AP3M1: variants seen among roughly 807,000 people sequenced by gnomAD.
AP3M1 encodes AP-3 complex subunit mu-1.
A neutral mutation model predicts 42.6 loss-of-function variants in AP3M1; 29 were observed. That is an observed-to-expected ratio of 0.68 (90% CI 0.51 to 0.93). The LOEUF is 0.93. AP3M1 is among the 40% of genes least tolerant of loss of function. The probability of loss-of-function intolerance (pLI) is 0.00; values close to 1 mark genes in which losing one functional copy is unlikely to be tolerated. For synonymous variants in AP3M1, 178 were observed against 175.3 expected (o/e 1.02, Z -0.12); for missense variants, 416 against 510.2 (o/e 0.82, Z 1.78).
intron 6 of AP3M1, chr10:74,128,824 C>A: frequency 3.5e-6 from 1 of 283,952 alleles, no homozygotes; most frequent in Non-Finnish European, 6.7e-6. Context: ...CATAACCTTG[C>A]AAAGGACCGG....
At chr10:74,144,307 C>G (rs1841262929) in intron 1 of AP3M1, among the ~76,000 whole-genome samples, 1 of 151,774 alleles carries the variant, frequency 6.6e-6, no homozygotes, top group Non-Finnish European at 1.5e-5. Context: ...CTCTGTTGCC[C>G]AGGCTGGAGT....
At chr10:74,144,076 C>T (rs1327667640) in intron 1 of AP3M1, among the ~76,000 whole-genome samples, 1 of 152,178 alleles carries the variant, frequency 6.6e-6, no homozygotes, top group Non-Finnish European at 1.5e-5. Flanking sequence ...ATTCTCCTGC[C>T]TCAGCCTCCC....
chr10:74,133,066 A>G lies in AP3M1; in HGVS notation c.583+961T>C, dbSNP rs145653571. Among the ~76,000 whole-genome samples, 253 of 152,232 alleles carry G rather than the reference A, an allele frequency of 1.7e-3. 9 individuals carry two copies. In the East Asian group the frequency reaches 0.041, roughly 25 times the overall value. On this transcript the variant is annotated intron_variant, in intron 4 of 8. Coordinates refer to ENST00000355264, the MANE Select transcript of AP3M1 (RefSeq NM_012095.6). ...TTAGGAGCTTGAGACCAGCCTGGCC[A>G]ACATTGTGAAACCCCGTCTCTACTA...
chr10:74,144,151 TG>T (rs1841251973), intron 1 of AP3M1, among the ~76,000 whole-genome samples: 1 of 152,054 alleles, frequency 6.6e-6, no homozygotes, highest in Admixed American at 6.6e-5. Context: ...TTAGTAGAGA[TG>T]GGGTTTCACC....
chr10:74,134,058 A>C lies in AP3M1; in HGVS notation c.552T>G (p.Val184=). ...TATCTATAATTGCGTCTATTTCTTC[A>C]ACAACATCAAAATAGGCTTCATTGT... ...YTNNEAYFDV[V]EEIDAIIDKS... is the part of the protein sequence containing the mutation. Residue 184 remains valine (V), a synonymous_variant, in exon 4 of 9, where the codon GTT becomes GTG. Transcript: ENST00000355264. 2 of 1,614,162 alleles carry C rather than the reference A, an allele frequency of 1.2e-6. No homozygotes were observed. The highest frequency in any genetic ancestry group is 4.5e-5 in the East Asian group (2 of 44,886).
intron 7 of AP3M1, among the ~76,000 whole-genome samples, chr10:74,124,872 G>A (rs543594571): frequency 5.3e-5 from 8 of 152,308 alleles, no homozygotes; most frequent in Non-Finnish European, 7.3e-5. Context: ...CAAATGACTC[G>A]CTCAAGGTCA....
At position 74,136,784 on chromosome 10, in the gene AP3M1, G is replaced by C. The variant is rs1369486216; in HGVS notation, c.293C>G (p.Ser98Ter). 2.6e-6 allele frequency: 4 copies of C among 1,530,022 alleles called. No individual in the cohort carries two copies. The highest frequency in any genetic ancestry group is 3.6e-6 in the Non-Finnish European group (4 of 1,122,388). 94.8% of individuals were successfully genotyped at this position (1,530,022 alleles called of 1,614,324 possible). Residue 98 changes from serine to a stop codon, truncating the protein, a stop_gained, in exon 3 of 9, where the codon TCA (serine) becomes TGA (stop). Coordinates refer to ENST00000355264, the MANE Select transcript of AP3M1 (RefSeq NM_012095.6). LOFTEE classifies it high-confidence loss of function. ...DTFQDYFGEC[S>*]EAAIKDNVVI... ...CACATTATCCTTAATTGCAGCCTCT[G>C]AACACTCACCAAAGTAGTCCTGACA...
At chr10:74,143,011 G>GAACACATGTGTTTGCAA (rs1169930718) in intron 1 of AP3M1, among the ~76,000 whole-genome samples, 1 of 152,188 alleles carries the variant, frequency 6.6e-6, no homozygotes, top group Non-Finnish European at 1.5e-5. Flanking sequence ...GTCACATATG[G>GAACACATGTGTTTGCAA]AACACAGCAT....
In AP3M1 at chr10:74,122,686, T is replaced by C. The variant is rs1840502697; in HGVS notation, c.*1124A>G. Reference sequence around the variant, plus strand: ...TATTTAAGCACTCCAGTGACAATTATGACAATAGTTTCTGGAAGAAATCTA... The same window carrying C: ...TATTTAAGCACTCCAGTGACAATTACGACAATAGTTTCTGGAAGAAATCTA... On this transcript the variant is annotated 3_prime_UTR_variant, in exon 9 of 9. Coordinates refer to ENST00000355264, the MANE Select transcript of AP3M1 (RefSeq NM_012095.6). The C allele has an allele frequency of 6.6e-6, 1 of 152,220 alleles. No homozygotes were observed. 9.4% of individuals were successfully genotyped at this position (152,220 alleles called of 1,614,324 possible).
intron 1 of AP3M1, among the ~76,000 whole-genome samples, chr10:74,147,364 G>A (rs7896323): frequency 6.8e-4 from 103 of 152,216 alleles, no homozygotes; most frequent in African/African-American, 2.4e-3. Flanking sequence ...TGCCTGCTAA[G>A]GAGCCCTTTT....
At chr10:74,137,444 A>G (rs1462772153) in intron 2 of AP3M1, among the ~76,000 whole-genome samples, 5 of 152,060 alleles carry the variant, frequency 3.3e-5, no homozygotes, top group Non-Finnish European at 2.9e-5. Flanking sequence ...CATATAGATA[A>G]GCTTAAATTA....
At chr10:74,146,911 A>T (rs2132003186) in intron 1 of AP3M1, among the ~76,000 whole-genome samples, 1 of 152,222 alleles carries the variant, frequency 6.6e-6, no homozygotes, top group East Asian at 1.9e-4. Flanking sequence ...GTTTTTAGTA[A>T]CTATAGCTTA....
chr10:74,129,060 T>G, intron 6 of AP3M1, 48 bp downstream of exon 6: 3 of 1,603,198 alleles, frequency 1.9e-6, no homozygotes, highest in Non-Finnish European at 2.6e-6. Flanking sequence ...AAAGGTGAGT[T>G]GTACTTGATA....
At chr10:74,144,324 G>A (rs1310931709) in intron 1 of AP3M1, among the ~76,000 whole-genome samples, 2 of 151,734 alleles carry the variant, frequency 1.3e-5, no homozygotes, top group Non-Finnish European at 2.9e-5. Context: ...GAGTGCAGCT[G>A]CGTCATCTTG....
chr10:74,122,629 CACTT>C lies in AP3M1; in HGVS notation c.*1177_*1180del, dbSNP rs1347357913. 1 of 152,184 alleles carries C rather than the reference CACTT, an allele frequency of 6.6e-6. No homozygotes were observed. The highest frequency in any genetic ancestry group is 1.5e-5 in the Non-Finnish European group (1 of 68,042). 9.4% of individuals were successfully genotyped at this position (152,184 alleles called of 1,614,324 possible). A position where few individuals can be genotyped will look rare whatever the true frequency, so the allele number is the denominator to read the frequency against. On this transcript the variant is annotated 3_prime_UTR_variant, in exon 9 of 9. Transcript: ENST00000355264. ...ATTTTGTTTCTGCCTCATTATAACTCACTTCCATGTATTTTGTCAGTATAGTACG... is the reference window on the plus strand; with the variant it reads ...ATTTTGTTTCTGCCTCATTATAACTCCCATGTATTTTGTCAGTATAGTACG...
In AP3M1 at chr10:74,120,521, C is replaced by T. The variant is rs1017866998; in HGVS notation, c.*3289G>A. On this transcript the variant is annotated 3_prime_UTR_variant, in exon 9 of 9. Coordinates refer to ENST00000355264, the MANE Select transcript of AP3M1 (RefSeq NM_012095.6). ...TTAAGTTTGTAGGAGTACCACAGGT[C>T]CTTCCCCCTGCTGCAAGACAGAGAC... 5.9e-5 allele frequency: 9 copies of T among 152,350 alleles called. No individual in the cohort carries two copies. The highest frequency in any genetic ancestry group is 5.9e-4 in the Admixed American group (9 of 15,284). The allele number at this position is 152,350 out of a possible 1,614,324, so 9.4% of individuals were successfully genotyped here. A position where few individuals can be genotyped will look rare whatever the true frequency, so the allele number is the denominator to read the frequency against.
In AP3M1 at chr10:74,123,467, G is replaced by A; in HGVS notation, c.*343C>T. 1 of 237,682 alleles carries A rather than the reference G, an allele frequency of 4.2e-6. No homozygotes were observed. The highest frequency in any genetic ancestry group is 1.1e-4 in the East Asian group (1 of 9,406). The allele number at this position is 237,682 out of a possible 1,614,324, so 14.7% of individuals were successfully genotyped here. A position where few individuals can be genotyped will look rare whatever the true frequency, so the allele number is the denominator to read the frequency against. ...CACAGATTTAAGATAGCTTCTGCTG[G>A]ATGAGACCAGTTAACTCTTTTAGGA... On this transcript the variant is annotated 3_prime_UTR_variant, in exon 9 of 9. Transcript: ENST00000355264.
chr10:74,143,152 G>A (rs377201466), intron 1 of AP3M1, among the ~76,000 whole-genome samples: 1 of 152,112 alleles, frequency 6.6e-6, no homozygotes, highest in Non-Finnish European at 1.5e-5. Flanking sequence ...GGAGTTCAAG[G>A]CCATCCTGGC....
At chr10:74,137,222 A>G (rs1323847506) in intron 2 of AP3M1, among the ~76,000 whole-genome samples, 1 of 151,318 alleles carries the variant, frequency 6.6e-6, no homozygotes, top group Non-Finnish European at 1.5e-5. Context: ...CCTAGGGAAC[A>G]GAGTGAGACT....
Sources: allele counts gnomAD v4.1 joint callset (sites outside exome capture counted in the v4.1 genomes callset), GRCh38; gene constraint gnomAD v4.1.1; transcripts MANE v1.5; gene names NCBI Gene and HGNC (gene_info 2026-07-23, HGNC 2026-07-21).